SHISA9: variants seen among roughly 807,000 people sequenced by gnomAD.
SHISA9 encodes the protein shisa family member 9, also known as protein shisa-9.
SHISA9 carries 13 observed loss-of-function variants against 38.0 expected under a neutral mutation model. That is an observed-to-expected ratio of 0.34 (90% CI 0.22 to 0.54). The LOEUF is 0.54. Among genes scored for constraint, SHISA9 ranks in the 20% least tolerant of loss-of-function variants. The pLI is 0.91. For synonymous variants in SHISA9, 275 were observed against 242.0 expected, an observed-to-expected ratio of 1.14 and a Z score of -1.27; for missense variants, 538 against 575.8, an observed-to-expected ratio of 0.93 and a Z score of 0.67.
chr16:13,224,966 C>A (rs2051264753), intron 4 of SHISA9, among the ~76,000 whole-genome samples: 1 of 152,128 alleles, frequency 6.6e-6, no homozygotes, highest in South Asian at 2.1e-4. Flanking sequence ...CATTCAGAAC[C>A]TCAGGCTGGG....
At chr16:12,936,980 A>G (rs2071542796) in intron 2 of SHISA9, among the ~76,000 whole-genome samples, 1 of 152,184 alleles carries the variant, frequency 6.6e-6, no homozygotes. Context: ...CTGTCTTTTA[A>G]GATCACTATT....
intron 2 of SHISA9, among the ~76,000 whole-genome samples, chr16:13,191,681 C>G (rs2142041582): frequency 6.6e-6 from 1 of 152,250 alleles, no homozygotes; most frequent in South Asian, 2.1e-4. Flanking sequence ...AAACTCCATT[C>G]TTATTTCATT....
At chr16:13,006,232 G>C (rs2072596670) in intron 2 of SHISA9, among the ~76,000 whole-genome samples, 1 of 152,236 alleles carries the variant, frequency 6.6e-6, no homozygotes, top group African/African-American at 2.4e-5. Context: ...GAAGGGACCA[G>C]AGTGACCTCA....
At chr16:13,220,041 T>G (rs1436704888) in intron 4 of SHISA9, among the ~76,000 whole-genome samples, 2 of 152,320 alleles carry the variant, frequency 1.3e-5, no homozygotes, top group Non-Finnish European at 1.5e-5. Context: ...AGTGAATGAT[T>G]GGCATTTTTA....
chr16:13,247,300 G>A, the SHISA9 span, among the ~76,000 whole-genome samples: 3 of 152,000 alleles, frequency 2.0e-5, no homozygotes, highest in African/African-American at 4.8e-5. Flanking sequence ...ATTTGGGTGG[G>A]GACACAGAGT....
At chr16:13,149,793 T>G (rs1464941932) in intron 2 of SHISA9, among the ~76,000 whole-genome samples, 2 of 151,084 alleles carry the variant, frequency 1.3e-5, no homozygotes, top group Admixed American at 6.6e-5. Flanking sequence ...GTTGTGGTGG[T>G]GGGTGCCGGC....
At chr16:13,407,208 A>C in the SHISA9 span, among the ~76,000 whole-genome samples, 1 of 152,200 alleles carries the variant, frequency 6.6e-6, no homozygotes, top group East Asian at 1.9e-4. Context: ...GAGGCCAAGA[A>C]GTCCTAGATC....
intron 2 of SHISA9, among the ~76,000 whole-genome samples, chr16:12,948,547 G>A (rs1398778633): frequency 6.6e-6 from 1 of 152,212 alleles, no homozygotes; most frequent in East Asian, 1.9e-4. Flanking sequence ...AGACTGGGAA[G>A]TCCAAGATCA....
the SHISA9 span, among the ~76,000 whole-genome samples, chr16:13,409,458 C>T: frequency 6.6e-6 from 1 of 152,244 alleles, no homozygotes; most frequent in Non-Finnish European, 1.5e-5. Flanking sequence ...CAGTGTAACA[C>T]TTGCCCACTT....
chr16:13,426,539 C>T, the SHISA9 span, among the ~76,000 whole-genome samples: 1 of 152,292 alleles, frequency 6.6e-6, no homozygotes, highest in Admixed American at 6.5e-5. Flanking sequence ...GAGGGCGCCA[C>T]AGAGAATCTT....
the SHISA9 span, chr16:13,458,373 A>G: frequency 1.3e-5 from 5 of 373,728 alleles, no homozygotes; most frequent in African/African-American, 1.1e-4. Flanking sequence ...CTGTATCAGC[A>G]AATGGAAGCA....
At chr16:13,274,262 T>C in the SHISA9 span, among the ~76,000 whole-genome samples, 1 of 152,082 alleles carries the variant, frequency 6.6e-6, no homozygotes, top group African/African-American at 2.4e-5. Flanking sequence ...TAATTTGGTG[T>C]TCTGGCTCTC....
chr16:13,551,735 G>T, the SHISA9 span, among the ~76,000 whole-genome samples: 6 of 152,162 alleles, frequency 3.9e-5, no homozygotes, highest in Non-Finnish European at 8.8e-5. Flanking sequence ...TGAAAAAAAA[G>T]TACAATTGGT....
chr16:12,909,448 G>A (rs946487202), intron 1 of SHISA9: 9 of 985,322 alleles, frequency 9.1e-6, no homozygotes, highest in Non-Finnish European at 1.1e-5. Context: ...GATACCTGGA[G>A]GCTTTGAAGC....
At chr16:13,432,841 G>A in the SHISA9 span, among the ~76,000 whole-genome samples, 6 of 152,060 alleles carry the variant, frequency 3.9e-5, no homozygotes, top group African/African-American at 7.2e-5. Flanking sequence ...ACATGTTCTC[G>A]CTTATAAATG....
At chr16:12,979,062 T>C (rs8047536) in intron 2 of SHISA9, among the ~76,000 whole-genome samples, 68 of 152,194 alleles carry the variant, frequency 4.5e-4, no homozygotes, top group African/African-American at 1.4e-3. Context: ...CCACGTCTAA[T>C]CAGTCATCGA....
chr16:13,102,795 C>T (rs533462709), intron 2 of SHISA9, among the ~76,000 whole-genome samples: 2 of 152,274 alleles, frequency 1.3e-5, no homozygotes, highest in African/African-American at 4.8e-5. Flanking sequence ...CAATATGTGG[C>T]ACCCAATGTA....
intron 2 of SHISA9, among the ~76,000 whole-genome samples, chr16:12,985,165 T>C (rs2072290526): frequency 6.6e-6 from 1 of 151,920 alleles, no homozygotes; most frequent in Non-Finnish European, 1.5e-5. Flanking sequence ...GTTTTGTATA[T>C]ATCTATCAAA....
chr16:13,204,700 GAATTA>G (rs960124124), intron 3 of SHISA9: 2 of 152,196 alleles, frequency 1.3e-5, no homozygotes, highest in Admixed American at 6.5e-5. Context: ...GCAAGACATT[GAATTA>G]AACCCTTGTT....
Sources: allele counts gnomAD v4.1 joint callset (sites outside exome capture counted in the v4.1 genomes callset), GRCh38; gene constraint gnomAD v4.1.1; transcripts MANE v1.5; gene names NCBI Gene and HGNC (gene_info 2026-07-23, HGNC 2026-07-21).